FANCC: variants seen among roughly 807,000 people sequenced by gnomAD.
The protein encoded by FANCC is FA complementation group C, also known as Fanconi anemia group C protein.
In FANCC, 55 loss-of-function variants were observed where a neutral mutation model predicts 71.3. That is an observed-to-expected ratio of 0.77 (90% confidence interval 0.62 to 0.97). FANCC has a LOEUF of 0.97. Ranked by LOEUF, FANCC falls within the 50% of genes least tolerant of loss-of-function variation. FANCC has a pLI of 0.00. For synonymous variants in FANCC, 275 were observed against 244.9 expected, an observed-to-expected ratio of 1.12 and a Z score of -1.15; for missense variants, 678 against 670.9, an observed-to-expected ratio of 1.01 and a Z score of -0.12.
intron 6 of FANCC, among the ~76,000 whole-genome samples, chr9:95,169,139 C>T (rs1017054574): frequency 1.3e-5 from 2 of 151,812 alleles, no homozygotes; most frequent in Non-Finnish European, 2.9e-5. Context: ...AAGTTTTCAA[C>T]TTAATAAGGA....
Position 95,241,483 on chromosome 9 carries a change from G to A in FANCC, c.251-740C>T, listed in dbSNP as rs571283144. The stretch of plus-strand genomic sequence containing the variant: ...TTGTGGTGACTGAGTCTATTCCAGC[G>A]GATGATTTTATAACACAATTAAGAA... On this transcript the variant is annotated intron_variant, in intron 3 of 14. Transcript: ENST00000289081. 9.9e-5 allele frequency among the ~76,000 whole-genome samples: 15 copies of A among 152,034 alleles called. No individual in the cohort carries two copies. The South Asian group carries it at 1.7e-3, about 17-fold the overall frequency.
chr9:95,192,634 T>C (rs547195626), intron 4 of FANCC, among the ~76,000 whole-genome samples: 5 of 152,198 alleles, frequency 3.3e-5, no homozygotes, highest in Non-Finnish European at 7.3e-5. Context: ...TACCTGGAAT[T>C]TGACTATCAA....
chr9:95,215,078 TAA>T (rs967054655), intron 4 of FANCC, among the ~76,000 whole-genome samples: 1 of 152,098 alleles, frequency 6.6e-6, no homozygotes, highest in African/African-American at 2.4e-5. Flanking sequence ...AATTTAGTTA[TAA>T]AAAAGAGTTC....
intron 1 of FANCC, among the ~76,000 whole-genome samples, chr9:95,286,719 G>C (rs931288370): frequency 6.6e-6 from 1 of 152,128 alleles, no homozygotes. Context: ...TACTGTTCAA[G>C]CAAAGAAAAG....
At chr9:95,311,848 A>G (rs1835426953) in intron 1 of FANCC, among the ~76,000 whole-genome samples, 1 of 152,172 alleles carries the variant, frequency 6.6e-6, no homozygotes, top group Non-Finnish European at 1.5e-5. Flanking sequence ...TATCACACAT[A>G]AATGTTTCTG....
At chr9:95,223,049 C>A (rs1045627454) in intron 4 of FANCC, among the ~76,000 whole-genome samples, 2 of 152,160 alleles carry the variant, frequency 1.3e-5, no homozygotes, top group Admixed American at 1.3e-4. Context: ...ATATAAAGAT[C>A]ATTTCTTAAT....
chr9:95,260,699 A>AC (rs1831988533), intron 1 of FANCC, among the ~76,000 whole-genome samples: 1 of 151,922 alleles, frequency 6.6e-6, no homozygotes, highest in South Asian at 2.1e-4. Flanking sequence ...AAAAAAAAAA[A>AC]AAACTTCCAG....
chr9:95,122,126 G>A (rs1031368844), intron 10 of FANCC, among the ~76,000 whole-genome samples: 14 of 152,100 alleles, frequency 9.2e-5, no homozygotes, highest in African/African-American at 3.4e-4. Flanking sequence ...CCAAAGTGCT[G>A]GGATTACAGG....
intron 8 of FANCC, among the ~76,000 whole-genome samples, chr9:95,132,281 T>C (rs1438616135): frequency 6.6e-6 from 1 of 152,214 alleles, no homozygotes; most frequent in East Asian, 1.9e-4. Flanking sequence ...CAATGTGGAA[T>C]CCAAAGAATA....
At chr9:95,153,180 A>G (rs1322920547) in intron 6 of FANCC, among the ~76,000 whole-genome samples, 1 of 152,156 alleles carries the variant, frequency 6.6e-6, no homozygotes, top group Admixed American at 6.6e-5. Flanking sequence ...GTTGCTGCAA[A>G]TATTATTTTG....
chr9:95,290,988 T>A (rs1301500130), intron 1 of FANCC, among the ~76,000 whole-genome samples: 3 of 152,180 alleles, frequency 2.0e-5, no homozygotes, highest in Admixed American at 2.0e-4. Flanking sequence ...CATATGATCA[T>A]CTCAATAGAT....
At chr9:95,123,585 G>A (rs1327245530) in intron 10 of FANCC, 3 of 581,542 alleles carry the variant, frequency 5.2e-6, no homozygotes. Flanking sequence ...CAGCCTATTT[G>A]CGACACGAAC....
intron 11 of FANCC, among the ~76,000 whole-genome samples, chr9:95,115,220 G>T (rs2072294671): frequency 6.6e-6 from 1 of 152,046 alleles, no homozygotes; most frequent in South Asian, 2.1e-4. Flanking sequence ...GGAATTACAG[G>T]CATTAATCAC....
intron 4 of FANCC, among the ~76,000 whole-genome samples, chr9:95,184,582 A>G (rs1826593088): frequency 6.6e-6 from 1 of 152,240 alleles, no homozygotes; most frequent in South Asian, 2.1e-4. Context: ...GATCTTAGCA[A>G]GAAAAATTCA....
intron 4 of FANCC, among the ~76,000 whole-genome samples, chr9:95,199,633 G>A (rs1050089708): frequency 5.9e-5 from 9 of 152,148 alleles, no homozygotes; most frequent in African/African-American, 1.9e-4. Context: ...AGTGCCCAGC[G>A]CACACAGGCA....
intron 7 of FANCC, among the ~76,000 whole-genome samples, chr9:95,146,250 G>A (rs1028568636): frequency 1.3e-5 from 2 of 152,034 alleles, no homozygotes; most frequent in African/African-American, 4.8e-5. Context: ...ATTTTGGGAG[G>A]CCAAGACAGG....
intron 4 of FANCC, among the ~76,000 whole-genome samples, chr9:95,223,788 C>T (rs1349988638): frequency 1.3e-5 from 2 of 152,172 alleles, no homozygotes; most frequent in African/African-American, 4.8e-5. Context: ...ACCAGCCTGA[C>T]CAACATGGAG....
chr9:95,210,548 T>C (rs1230518835), intron 4 of FANCC, among the ~76,000 whole-genome samples: 1 of 152,164 alleles, frequency 6.6e-6, no homozygotes, highest in Non-Finnish European at 1.5e-5. Flanking sequence ...ACACACTATA[T>C]ATAATCACTT....
intron 6 of FANCC, among the ~76,000 whole-genome samples, chr9:95,153,441 T>C (rs1046583242): frequency 1.3e-5 from 2 of 152,150 alleles, no homozygotes; most frequent in African/African-American, 2.4e-5. Flanking sequence ...TCCATAGAGG[T>C]TGCACTAATT....
Sources: gnomAD v4.1 joint callset for allele counts (sites outside exome capture counted in the v4.1 genomes callset) on GRCh38, gnomAD v4.1.1 for gene constraint, MANE v1.5 for transcripts, NCBI Gene and HGNC (gene_info 2026-07-23, HGNC 2026-07-21) for gene names.